Variants in ARHGAP39 observed in about 807,000 individuals in gnomAD.
ARHGAP39 encodes the protein Rho GTPase activating protein 39.
Under a neutral mutation model 106.9 loss-of-function variants are expected in ARHGAP39, and 44 were observed. The ratio of observed to expected loss-of-function variants is 0.41; its 90% confidence interval spans 0.32 to 0.53. ARHGAP39 has a LOEUF of 0.53. Among genes scored for constraint, ARHGAP39 ranks in the 20% least tolerant of loss-of-function variants. The pLI, the probability that ARHGAP39 is intolerant of heterozygous loss-of-function variation, is 0.21. For synonymous variants in ARHGAP39, 768 were observed against 693.2 expected (o/e 1.11, Z -1.69); for missense variants, 1,496 against 1,577.3 (o/e 0.95, Z 0.87).
At chr8:144,624,638 ACACT>A in intron 1 of ARHGAP39, among the ~76,000 whole-genome samples, 1 of 99,666 alleles carries the variant, frequency 1.0e-5, no homozygotes, top group Non-Finnish European at 2.2e-5. Flanking sequence ...CACTCACTGC[ACACT>A]GCGGCATCCC....
Position 144,584,990 on chromosome 8 carries a change from T to C in ARHGAP39, c.81-3713A>G, listed in dbSNP as rs193112845. Among the ~76,000 whole-genome samples the C allele has an allele frequency of 1.0e-3, 153 of 152,214 alleles. No homozygotes were observed. In the Middle Eastern group the frequency reaches 0.017, roughly 17 times the overall value. On this transcript the variant is annotated intron_variant, in intron 2 of 11. Coordinates refer to ENST00000377307, the MANE Select transcript of ARHGAP39 (RefSeq NM_025251.3). ...TCTGTGAAACTGAGAATCACCTCTT[T>C]GTTGGCTCTGCAAGGAGCCTGTGGA...
chr8:144,606,000 T>TG (rs1295097305), intron 1 of ARHGAP39, among the ~76,000 whole-genome samples: 1 of 152,106 alleles, frequency 6.6e-6, no homozygotes, highest in Admixed American at 6.5e-5. Flanking sequence ...AAGCCAAGCA[T>TG]GGGGGGACCG....
intron 4 of ARHGAP39, among the ~76,000 whole-genome samples, chr8:144,554,023 G>A (rs2130855867): frequency 6.6e-6 from 1 of 152,370 alleles, no homozygotes; most frequent in East Asian, 1.9e-4. Flanking sequence ...ATGTACTCGT[G>A]GTCTGAACAG....
chr8:144,600,250 G>A (rs1819804388), intron 2 of ARHGAP39, among the ~76,000 whole-genome samples: 1 of 149,322 alleles, frequency 6.7e-6, no homozygotes, highest in Admixed American at 6.7e-5. Flanking sequence ...CTACCTGCGT[G>A]TGCGTGTGCG....
chr8:144,639,338 A>AAAAAGAAAG (rs1554610292), intron 1 of ARHGAP39, among the ~76,000 whole-genome samples: 2 of 146,348 alleles, frequency 1.4e-5, no homozygotes, highest in African/African-American at 5.4e-5. Context: ...AAAAAAAAAA[A>AAAAAGAAAG]AAAGAAAGAA....
intron 3 of ARHGAP39, among the ~76,000 whole-genome samples, chr8:144,566,705 A>G (rs1371782773): frequency 6.6e-6 from 1 of 152,026 alleles, no homozygotes. Context: ...AAAATACAAA[A>G]TTAGCTGGGC....
chr8:144,548,369 C>G lies in ARHGAP39; in HGVS notation c.717G>C (p.Gly239=). 1.9e-6 allele frequency: 3 copies of G among 1,608,754 alleles called. No individual in the cohort carries two copies. The Middle Eastern group carries it at 5.0e-4, about 266-fold the overall frequency. ...TGCCGGAGGGTCTGCGGGAGCGGAC[C>G]CCAGGTGGGCCGTCTGGGGCGTAGC... ...GNGYAPDGPP[G]VRSRRPSGSQ... is the part of the protein sequence containing the mutation. Residue 239 remains glycine, a synonymous_variant, in exon 5 of 12, where the codon GGG becomes GGC. Transcript: ENST00000377307. This position sits in a 1 kb window ranked among gnomAD's most constrained non-coding sequence, Gnocchi z 7.4.
chr8:144,592,341 C>G (rs1165028723), intron 2 of ARHGAP39, among the ~76,000 whole-genome samples: 1 of 110,352 alleles, frequency 9.1e-6, no homozygotes, highest in East Asian at 3.1e-4. Flanking sequence ...GGGGACAGCA[C>G]TGAGCCCAGA....
At chr8:144,583,484 T>C (rs1222465303) in intron 2 of ARHGAP39, among the ~76,000 whole-genome samples, 1 of 151,886 alleles carries the variant, frequency 6.6e-6, no homozygotes, top group Non-Finnish European at 1.5e-5. Context: ...CCCACTAAGG[T>C]TCCCCACCGT....
At chr8:144,620,838 G>GA (rs1820788906) in intron 1 of ARHGAP39, among the ~76,000 whole-genome samples, 1 of 152,260 alleles carries the variant, frequency 6.6e-6, no homozygotes, top group African/African-American at 2.4e-5. Flanking sequence ...CAGAAGAGGG[G>GA]CCGTGAGGAC....
chr8:144,620,161 A>AGGTGTT, intron 1 of ARHGAP39, among the ~76,000 whole-genome samples: 1 of 77,590 alleles, frequency 1.3e-5, no homozygotes, highest in African/African-American at 5.1e-5. Context: ...GCGTGTGCCC[A>AGGTGTT]TGTGAGCTTG....
chr8:144,545,029 C>T (rs1817350191), intron 6 of ARHGAP39, among the ~76,000 whole-genome samples: 1 of 152,246 alleles, frequency 6.6e-6, no homozygotes, highest in Non-Finnish European at 1.5e-5. Context: ...CTCGTGTCTG[C>T]CAGGGCTCCG....
At chr8:144,556,695 A>C (rs1323105830) in intron 3 of ARHGAP39, among the ~76,000 whole-genome samples, 1 of 95,464 alleles carries the variant, frequency 1.0e-5, no homozygotes, top group Non-Finnish European at 2.1e-5. Flanking sequence ...CAGAGGCAAA[A>C]GGCTGAACCT....
intron 1 of ARHGAP39, among the ~76,000 whole-genome samples, chr8:144,623,613 G>T (rs192803290): frequency 6.6e-6 from 1 of 152,214 alleles, no homozygotes; most frequent in Non-Finnish European, 1.5e-5. Context: ...GGCACCCGAC[G>T]TCTGCAGCGA....
At chr8:144,686,249 G>T (rs1822587437), upstream of ARHGAP39, among the ~76,000 whole-genome samples, 5 of 152,134 alleles carry the variant, frequency 3.3e-5, no homozygotes, top group South Asian at 8.3e-4. Context: ...AACGTGGGCT[G>T]CCCTGTTCCT....
Position 144,533,336 on chromosome 8 carries a change from A to G in ARHGAP39, c.2689-11T>C. The G allele has an allele frequency of 6.2e-7, 1 of 1,611,518 alleles. No individual in the cohort carries two copies. Among genetic ancestry groups the G allele is most frequent in the African/African-American group, 1.3e-5 (1 of 75,022 alleles). ...GGGCTTCTTCAGCCCCTGTGAAGAC[A>G]GAGGCTCCGTCCTGGTCTGGCCTGG... On this transcript the variant is annotated splice_polypyrimidine_tract_variant and intron_variant, in intron 8 of 11. Coordinates refer to ENST00000377307, the MANE Select transcript of ARHGAP39 (RefSeq NM_025251.3).
At chr8:144,607,010 A>C (rs1277198745) in intron 1 of ARHGAP39, among the ~76,000 whole-genome samples, 4 of 151,798 alleles carry the variant, frequency 2.6e-5, no homozygotes, top group Non-Finnish European at 2.9e-5. Flanking sequence ...AAAAAAAAAA[A>C]AAACCCACAT....
At chr8:144,530,646 G>T in intron 11 of ARHGAP39, 30 bp from the exon 12 acceptor site, 4 of 1,532,752 alleles carry the variant, frequency 2.6e-6, no homozygotes, top group Non-Finnish European at 3.5e-6. Flanking sequence ...GGGCGCGGAG[G>T]GGCGGGGGCG....
chr8:144,544,130 C>T (rs775394132), intron 6 of ARHGAP39, among the ~76,000 whole-genome samples: 6 of 152,312 alleles, frequency 3.9e-5, no homozygotes, highest in South Asian at 4.2e-4. Context: ...CCTGGAGCCC[C>T]GGCCACCTGC....
Sources: allele counts gnomAD v4.1 joint callset (sites outside exome capture counted in the v4.1 genomes callset), GRCh38; gene constraint gnomAD v4.1.1; non-coding constraint Gnocchi (gnomAD v3.1); transcripts MANE v1.5; gene names NCBI Gene and HGNC (gene_info 2026-07-23, HGNC 2026-07-21).